NCAM2: variants seen among roughly 807,000 people sequenced by gnomAD.
The protein encoded by NCAM2 is N-CAM-2.
Under a neutral mutation model 98.1 loss-of-function variants are expected in NCAM2, and 30 were observed. The observed-to-expected ratio is 0.31, with a 90% confidence interval of 0.23 to 0.41. The LOEUF is 0.41. Among genes scored for constraint, NCAM2 ranks in the 10% least tolerant of loss-of-function variants. The probability of loss-of-function intolerance (pLI) is 1.00; values close to 1 mark genes in which losing one functional copy is unlikely to be tolerated. For missense variants in NCAM2, 867 were observed against 1,005.8 expected (o/e 0.86, Z 1.87); for synonymous variants, 368 against 342.4 (o/e 1.07, Z -0.83).
At position 21,436,823 on chromosome 21, in the gene NCAM2, G is replaced by A. The variant is rs910009860; in HGVS notation, c.1654+4542G>A. 2.3e-4 allele frequency among the ~76,000 whole-genome samples: 34 copies of A among 150,742 alleles called. 1 individual carries two copies. Among genetic ancestry groups the A allele is most frequent in the Middle Eastern group, 6.8e-3 (2 of 292 alleles). ...CTTGTCCAGGCTAGAGGACAGTGGC[G>A]TGATCTCAGCTCACTGCAACCTCCG... On this transcript the variant is annotated intron_variant, in intron 12 of 17. Coordinates refer to ENST00000400546, the MANE Select transcript of NCAM2 (RefSeq NM_004540.5).
At chr21:21,115,904 AAGTTCATGGGTAGGACT>A (rs1239469435) in intron 1 of NCAM2, among the ~76,000 whole-genome samples, 1 of 151,890 alleles carries the variant, frequency 6.6e-6, no homozygotes. Flanking sequence ...TGGAAATAAG[AAGTTCATGGGTAGGACT>A]AGAGTTCAGG....
intron 1 of NCAM2, among the ~76,000 whole-genome samples, chr21:21,131,806 A>C (rs2066941987): frequency 6.6e-6 from 1 of 152,158 alleles, no homozygotes; most frequent in African/African-American, 2.4e-5. Context: ...ATTGTTTCCC[A>C]GTATGTATTG....
chr21:21,122,015 A>C (rs1458442776), intron 1 of NCAM2, among the ~76,000 whole-genome samples: 1 of 152,238 alleles, frequency 6.6e-6, no homozygotes, highest in African/African-American at 2.4e-5. Context: ...TGAGCAGTGC[A>C]TTCTGATGAG....
At chr21:21,112,460 T>C (rs1475946100) in intron 1 of NCAM2, among the ~76,000 whole-genome samples, 3 of 152,238 alleles carry the variant, frequency 2.0e-5, no homozygotes, top group Non-Finnish European at 4.4e-5. Flanking sequence ...ATCAACAGTG[T>C]TGGCTTTCTA....
intron 15 of NCAM2, among the ~76,000 whole-genome samples, chr21:21,482,428 T>G (rs2146281998): frequency 6.6e-6 from 1 of 152,280 alleles, no homozygotes; most frequent in East Asian, 1.9e-4. Context: ...GTCTTTTCAT[T>G]TAAGTTAGAG....
intron 1 of NCAM2, among the ~76,000 whole-genome samples, chr21:21,002,233 G>GA (rs1392838004): frequency 2.0e-5 from 3 of 152,070 alleles, no homozygotes; most frequent in Non-Finnish European, 4.4e-5. Context: ...TTTTAATGCA[G>GA]AATCGGAGCC....
In NCAM2 at chr21:21,188,238, C is replaced by T. The variant is rs77640343; in HGVS notation, c.56-92340C>T. Among the ~76,000 whole-genome samples the T allele has an allele frequency of 1.1e-3, 169 of 152,074 alleles. 4 individuals carry two copies. In the East Asian group the frequency reaches 0.03, roughly 27 times the overall value. On this transcript the variant is annotated intron_variant, in intron 1 of 17. Coordinates refer to ENST00000400546, the MANE Select transcript of NCAM2 (RefSeq NM_004540.5). ...ATTCAAACAATAGCAATATTTAAAGCAAATAACTATTTAGATATAGGTTAA... is the reference window on the plus strand; with the variant it reads ...ATTCAAACAATAGCAATATTTAAAGTAAATAACTATTTAGATATAGGTTAA...
At chr21:21,100,764 C>T (rs551006333) in intron 1 of NCAM2, among the ~76,000 whole-genome samples, 133 of 152,118 alleles carry the variant, frequency 8.7e-4, no homozygotes, top group Non-Finnish European at 1.7e-3. Flanking sequence ...TGACTTCTCC[C>T]AGTAATTTTG....
intron 1 of NCAM2, among the ~76,000 whole-genome samples, chr21:21,020,163 G>A (rs2064400862): frequency 6.6e-6 from 1 of 152,068 alleles, no homozygotes; most frequent in South Asian, 2.1e-4. Context: ...AGCCTCCCGA[G>A]TTGCCTGGAT....
At chr21:21,429,378 A>G (rs2077280993) in intron 11 of NCAM2, among the ~76,000 whole-genome samples, 1 of 152,240 alleles carries the variant, frequency 6.6e-6, no homozygotes, top group Non-Finnish European at 1.5e-5. Flanking sequence ...TGGAAGCCCA[A>G]GAGGATAGAT....
At position 21,521,587 on chromosome 21, in the gene NCAM2, A is replaced by G. The variant is rs146642364; in HGVS notation, c.2282+12532A>G. Among the ~76,000 whole-genome samples the G allele has an allele frequency of 2.6e-4, 40 of 152,306 alleles. 1 individual carries two copies. The highest frequency in any genetic ancestry group is 8.3e-4 in the South Asian group (4 of 4,824). On this transcript the variant is annotated intron_variant, in intron 16 of 17. Transcript: ENST00000400546. ...GCAATGTATGCAAGCACAGAGATGA[A>G]GATTCTAGAAAAGAGGAATGTCTTT... is the stretch of plus-strand genomic sequence containing the variant.
At chr21:21,385,338 G>A (rs980355824) in intron 9 of NCAM2, among the ~76,000 whole-genome samples, 6 of 150,322 alleles carry the variant, frequency 4.0e-5, no homozygotes, top group Non-Finnish European at 7.4e-5. Context: ...GTTGTATGGA[G>A]ACAAAAAATT....
chr21:21,349,857 G>A (rs981881436), intron 8 of NCAM2, among the ~76,000 whole-genome samples: 3 of 152,116 alleles, frequency 2.0e-5, no homozygotes, highest in East Asian at 1.9e-4. Flanking sequence ...TTATTTGTGG[G>A]ATCTAAAAAT....
intron 1 of NCAM2, among the ~76,000 whole-genome samples, chr21:21,257,769 G>A (rs150703428): frequency 9.2e-4 from 140 of 152,210 alleles, no homozygotes; most frequent in Admixed American, 1.6e-3. Flanking sequence ...TTTTAGTAGA[G>A]ACAGGGTTTC....
intron 15 of NCAM2, among the ~76,000 whole-genome samples, chr21:21,480,842 C>A (rs887136397): frequency 6.6e-6 from 1 of 152,200 alleles, no homozygotes; most frequent in Admixed American, 6.5e-5. Flanking sequence ...GTAATGACTT[C>A]TAGGTTTCTT....
At chr21:21,195,244 A>G (rs2068963413) in intron 1 of NCAM2, among the ~76,000 whole-genome samples, 1 of 152,214 alleles carries the variant, frequency 6.6e-6, no homozygotes, top group Non-Finnish European at 1.5e-5. Context: ...AGATGTAGGA[A>G]ATATAACCCT....
At chr21:21,474,955 A>G (rs1984965778) in intron 14 of NCAM2, among the ~76,000 whole-genome samples, 2 of 151,006 alleles carry the variant, frequency 1.3e-5, no homozygotes, top group African/African-American at 4.9e-5. Flanking sequence ...TTGACTTTTT[A>G]AGCTTTTTTG....
chr21:21,423,956 A>G (rs966220122), intron 11 of NCAM2, among the ~76,000 whole-genome samples: 1 of 152,200 alleles, frequency 6.6e-6, no homozygotes, highest in Non-Finnish European at 1.5e-5. Flanking sequence ...TGGCCGATCT[A>G]CTGGTCTGTG....
intron 1 of NCAM2, among the ~76,000 whole-genome samples, chr21:21,209,968 A>C (rs925194974): frequency 2.0e-5 from 3 of 152,274 alleles, no homozygotes; most frequent in Admixed American, 2.0e-4. Context: ...CTTAGCAATA[A>C]CTCAGGATTA....
Sources: allele counts gnomAD v4.1 joint callset (sites outside exome capture counted in the v4.1 genomes callset), GRCh38; gene constraint gnomAD v4.1.1; transcripts MANE v1.5; gene names NCBI Gene and HGNC (gene_info 2026-07-23, HGNC 2026-07-21).